The following DIP2C variants were observed in gnomAD, a reference collection of about 807,000 sequenced individuals.
The protein encoded by DIP2C is disco-interacting protein 2 homolog C.
DIP2C carries 33 observed loss-of-function variants against 192.4 expected under a neutral mutation model. The ratio of observed to expected loss-of-function variants is 0.17; its 90% CI spans 0.13 to 0.23. DIP2C has a LOEUF of 0.23. DIP2C is among the 10% of genes least tolerant of loss of function. The pLI is 1.00. For missense variants in DIP2C, 1,537 were observed against 2,110.1 expected (o/e 0.73, Z 5.32); for synonymous variants, 979 against 864.1 (o/e 1.13, Z -2.33).
chr10:286,656 A>G (rs1049589945), intron 33 of DIP2C, among the ~76,000 whole-genome samples: 24 of 152,206 alleles, frequency 1.6e-4, no homozygotes, highest in Admixed American at 6.5e-5. Flanking sequence ...TCATGAAAAT[A>G]ATGTTTGAAC....
intron 2 of DIP2C, among the ~76,000 whole-genome samples, chr10:485,994 C>T (rs1291886033): frequency 6.6e-6 from 1 of 152,232 alleles, no homozygotes; most frequent in East Asian, 1.9e-4. Context: ...TCTCAAGAAT[C>T]ATCATGGATG....
chr10:337,140 GTGTGTGT>G (rs1957844467), intron 29 of DIP2C, among the ~76,000 whole-genome samples: 1 of 146,846 alleles, frequency 6.8e-6, no homozygotes, highest in East Asian at 2.1e-4. Flanking sequence ...CTGTGTGTGT[GTGTGTGT>G]TGTGGAGGCC....
chr10:439,892 T>C (rs760524313), intron 4 of DIP2C, among the ~76,000 whole-genome samples: 2 of 152,146 alleles, frequency 1.3e-5, no homozygotes, highest in Non-Finnish European at 2.9e-5. Context: ...GTTTCTCTTG[T>C]AGTGGAGAAA....
At chr10:310,003 A>G (rs769224552) in intron 32 of DIP2C, 28 bp downstream of exon 32, 2 of 1,609,854 alleles carry the variant, frequency 1.2e-6, no homozygotes, top group South Asian at 2.2e-5. Context: ...AAAAGGAAAA[A>G]AAGAAAAAAC....
chr10:347,865 G>A lies in DIP2C; in HGVS notation c.3231+776C>T, dbSNP rs189504911. Among the ~76,000 whole-genome samples, 468 of 91,066 alleles carry A rather than the reference G, an allele frequency of 5.1e-3. 21 individuals are homozygous for A. The highest frequency in any genetic ancestry group is 0.02 in the African/African-American group (435 of 22,064). The allele number at this position is 91,066 out of a possible 152,430, so 59.7% of individuals were successfully genotyped here. ...CCCCACACGCACCCAGACGCGTCGC[G>A]CATAGCTCTCCCGGAAACCCCACAC... On this transcript the variant is annotated intron_variant, in intron 26 of 36. Transcript: ENST00000280886.
Position 369,479 on chromosome 10 carries a change from G to C in DIP2C, c.2131+15C>G. 3 of 1,525,650 alleles carry C rather than the reference G, an allele frequency of 2.0e-6. No homozygotes were observed. The highest frequency in any genetic ancestry group is 2.6e-6 in the Non-Finnish European group (3 of 1,134,970). 94.5% of individuals were successfully genotyped at this position (1,525,650 alleles called of 1,614,324 possible). ...AATAACTGGTTAATCTGTGCAGCTC[G>C]CGACCCACACTCACCTCCAGGCATC... On this transcript the variant is annotated intron_variant, in intron 18 of 36. Transcript: ENST00000280886.
At chr10:535,188 CAGG>C (rs1554893794) in intron 1 of DIP2C, among the ~76,000 whole-genome samples, 4 of 152,090 alleles carry the variant, frequency 2.6e-5, no homozygotes, top group Non-Finnish European at 5.9e-5. Flanking sequence ...GCAGCCTGTT[CAGG>C]AGAAGGTGGC....
At chr10:488,658 C>T (rs929723056) in intron 1 of DIP2C, among the ~76,000 whole-genome samples, 6 of 152,296 alleles carry the variant, frequency 3.9e-5, no homozygotes, top group African/African-American at 1.2e-4. Context: ...CCGAAGGAAA[C>T]GGGACTCTAC....
intron 1 of DIP2C, among the ~76,000 whole-genome samples, chr10:507,576 G>C (rs947271750): frequency 6.6e-6 from 1 of 152,220 alleles, no homozygotes; most frequent in Non-Finnish European, 1.5e-5. Flanking sequence ...GCGCGGTGAC[G>C]GACCTGGTCA....
At chr10:281,070 A>G in intron 36 of DIP2C, 130 bp downstream of exon 36, 1 of 1,282,562 alleles carries the variant, frequency 7.8e-7, no homozygotes, top group Non-Finnish European at 1.1e-6. Context: ...AAAGATTTAT[A>G]GTCAAATGTT....
intron 3 of DIP2C, among the ~76,000 whole-genome samples, chr10:460,908 C>G (rs1281840670): frequency 6.6e-6 from 1 of 151,940 alleles, no homozygotes; most frequent in Non-Finnish European, 1.5e-5. Flanking sequence ...ATTCAACATT[C>G]TTAAAGAATT....
At chr10:333,713 T>C (rs1957607500) in intron 29 of DIP2C, among the ~76,000 whole-genome samples, 1 of 152,242 alleles carries the variant, frequency 6.6e-6, no homozygotes, top group Non-Finnish European at 1.5e-5. Context: ...TTCCCCATTT[T>C]ACATTCCCAC....
chr10:277,206 C>G lies in DIP2C; in HGVS notation c.*119G>C. The G allele has an allele frequency of 6.9e-7, 1 of 1,456,454 alleles. No individual in the cohort carries two copies. The highest frequency in any genetic ancestry group is 9.3e-7 in the Non-Finnish European group (1 of 1,079,938). 90.2% of individuals were successfully genotyped at this position (1,456,454 alleles called of 1,614,324 possible). ...TCCTCTTCCTCCTCCTCTTCCTCCT[C>G]CACTCTCACCACAAATGGCTGTATT... On this transcript the variant is annotated 3_prime_UTR_variant, in exon 37 of 37. Transcript: ENST00000280886.
At chr10:474,836 T>G (rs1443898572) in intron 2 of DIP2C, among the ~76,000 whole-genome samples, 1 of 152,244 alleles carries the variant, frequency 6.6e-6, no homozygotes, top group African/African-American at 2.4e-5. Flanking sequence ...GCTATAATCC[T>G]TATGTAATAC....
In DIP2C at chr10:650,081, G is replaced by C. The variant is rs757631925; in HGVS notation, c.85+39413C>G. On this transcript the variant is annotated intron_variant, in intron 1 of 36. Transcript: ENST00000280886. ...AGCTGCCAGCAACCCAGTTCCAGGA[G>C]AGAAAATAGCTTGACACCTCCTGCG... is the stretch of plus-strand genomic sequence containing the variant. 3 of 715,152 alleles carry C rather than the reference G, an allele frequency of 4.2e-6. No homozygotes were observed. In the East Asian group the frequency reaches 8.0e-5, roughly 19 times the overall value. 44.3% of individuals were successfully genotyped at this position (715,152 alleles called of 1,614,324 possible).
chr10:380,538 C>T (rs1377268978), intron 17 of DIP2C, among the ~76,000 whole-genome samples: 5 of 152,246 alleles, frequency 3.3e-5, no homozygotes, highest in Admixed American at 6.5e-5. Flanking sequence ...ACAGAGGAAA[C>T]GGCCATCCTC....
intron 1 of DIP2C, among the ~76,000 whole-genome samples, chr10:552,023 G>A (rs1848618148): frequency 6.6e-6 from 1 of 152,238 alleles, no homozygotes; most frequent in Admixed American, 6.5e-5. Flanking sequence ...AGTCTCTTCT[G>A]AGAGTGGTGG....
chr10:462,878 A>G (rs182647253), intron 3 of DIP2C, among the ~76,000 whole-genome samples: 1 of 152,346 alleles, frequency 6.6e-6, no homozygotes, highest in Admixed American at 6.5e-5. Flanking sequence ...AAATCAATAA[A>G]TGTAATCCAT....
intron 29 of DIP2C, among the ~76,000 whole-genome samples, chr10:337,049 GGTGT>G (rs148004134): frequency 0.012 from 459 of 37,960 alleles, 55 homozygotes; most frequent in African/African-American, 0.054. Context: ...GGCCTAGACT[GGTGT>G]GTGTGTGTGT....
Sources: allele counts gnomAD v4.1 joint callset (sites outside exome capture counted in the v4.1 genomes callset), GRCh38; gene constraint gnomAD v4.1.1; transcripts MANE v1.5; gene names NCBI Gene and HGNC (gene_info 2026-07-23, HGNC 2026-07-21).